Variants in ITPR1 observed in about 807,000 individuals in gnomAD.
ITPR1 encodes inositol 1,4,5-trisphosphate-gated calcium channel ITPR1.
ITPR1 carries 96 observed loss-of-function variants against 318.4 expected under a neutral mutation model. That is an observed-to-expected ratio of 0.30 (90% CI 0.26 to 0.36). ITPR1 has a LOEUF of 0.36. Among genes scored for constraint, ITPR1 ranks in the 10% least tolerant of loss-of-function variants. The pLI, the probability that ITPR1 is intolerant of heterozygous loss-of-function variation, is 1.00. For synonymous variants in ITPR1, 1,312 were observed against 1,289.9 expected, an observed-to-expected ratio of 1.02 and a Z score of -0.37; for missense variants, 2,440 against 3,460.2, an observed-to-expected ratio of 0.71 and a Z score of 7.40.
At chr3:4,572,935 G>A (rs2088185086) in intron 4 of ITPR1, among the ~76,000 whole-genome samples, 1 of 152,144 alleles carries the variant, frequency 6.6e-6, no homozygotes. Flanking sequence ...TCATTTTTAA[G>A]GTGAAATAAT....
At chr3:4,523,323 A>T (rs2082709055) in intron 4 of ITPR1, among the ~76,000 whole-genome samples, 2 of 152,316 alleles carry the variant, frequency 1.3e-5, no homozygotes, top group South Asian at 4.1e-4. Context: ...TTTGTTTTTT[A>T]AATCGACATA....
chr3:4,699,137 C>A (rs2125258979), intron 34 of ITPR1, among the ~76,000 whole-genome samples: 1 of 151,860 alleles, frequency 6.6e-6, no homozygotes, highest in Non-Finnish European at 1.5e-5. Flanking sequence ...TCCATTGAGT[C>A]CAGGAGTTCG....
At chr3:4,614,672 G>A (rs1161366053) in intron 4 of ITPR1, among the ~76,000 whole-genome samples, 1 of 152,210 alleles carries the variant, frequency 6.6e-6, no homozygotes, top group Non-Finnish European at 1.5e-5. Flanking sequence ...CTAGACGCAT[G>A]ACATGCAACT....
rs1028302030 is a variant in ITPR1 at position 4,826,911 on chromosome 3, G to A, written c.8028+8669G>A. On this transcript the variant is annotated intron_variant, in intron 60 of 61. Transcript: ENST00000649015. This position sits in a 1 kb window ranked among gnomAD's most constrained non-coding sequence, Gnocchi z 4.2. ...TGTGTGCTAAGGGAGAGCATGGGGC[G>A]TGAGTCAGGTATACCCAGGAGTCTA... 7.2e-5 allele frequency among the ~76,000 whole-genome samples: 11 copies of A among 152,178 alleles called. No homozygotes were observed. The highest frequency in any genetic ancestry group is 6.2e-4 in the South Asian group (3 of 4,834).
chr3:4,775,200 C>A (rs927830829), intron 46 of ITPR1, 42 bp from the exon 47 acceptor site: 2 of 1,399,128 alleles, frequency 1.4e-6, no homozygotes, highest in African/African-American at 1.4e-5. Context: ...TCCCTCTTCC[C>A]TCTGCCTTTG....
chr3:4,719,334 G>A (rs1365994554), intron 40 of ITPR1, among the ~76,000 whole-genome samples: 1 of 152,240 alleles, frequency 6.6e-6, no homozygotes, highest in African/African-American at 2.4e-5. Context: ...TCAGGCTGGT[G>A]GATCTGGCCC....
At chr3:4,679,015 G>A (rs1225702984) in intron 24 of ITPR1, among the ~76,000 whole-genome samples, 3 of 152,176 alleles carry the variant, frequency 2.0e-5, no homozygotes, top group Non-Finnish European at 4.4e-5. Flanking sequence ...AGGCTGATTT[G>A]GTGAATTTGG....
chr3:4,741,360 T>C (rs180993335), intron 44 of ITPR1, among the ~76,000 whole-genome samples: 3 of 152,276 alleles, frequency 2.0e-5, no homozygotes, highest in African/African-American at 7.2e-5. Flanking sequence ...ATTTCATGTA[T>C]CAAATGGCTG....
At chr3:4,622,193 C>T (rs566790462) in intron 4 of ITPR1, among the ~76,000 whole-genome samples, 2 of 149,456 alleles carry the variant, frequency 1.3e-5, no homozygotes, top group South Asian at 4.2e-4. Context: ...CAGCTCCCTG[C>T]AGCCTCTGCC....
chr3:4,730,414 TG>T (rs1559788639), intron 42 of ITPR1, among the ~76,000 whole-genome samples: 6,968 of 135,670 alleles, frequency 0.051, 335 homozygotes, highest in South Asian at 0.11. Context: ...TGTGTGTGTG[TG>T]TGTGTTTCCC....
At chr3:4,565,941 A>G (rs78380597) in intron 4 of ITPR1, among the ~76,000 whole-genome samples, 2,382 of 152,204 alleles carry the variant, frequency 0.016, 58 homozygotes, top group African/African-American at 0.055. Flanking sequence ...CTTTTCATTT[A>G]TTGCCATTTT....
intron 40 of ITPR1, among the ~76,000 whole-genome samples, chr3:4,719,521 C>A (rs2041998266): frequency 6.6e-6 from 1 of 152,206 alleles, no homozygotes; most frequent in Admixed American, 6.5e-5. Flanking sequence ...GGGATTAAGG[C>A]AGGGCCTCAC....
At chr3:4,527,307 G>C (rs1183857956) in intron 4 of ITPR1, among the ~76,000 whole-genome samples, 1 of 152,184 alleles carries the variant, frequency 6.6e-6, no homozygotes, top group East Asian at 1.9e-4. Context: ...CTCCCGAGTA[G>C]CTGGGACTAC....
At chr3:4,658,335 C>G in intron 13 of ITPR1, 57 bp downstream of exon 13, 1 of 1,437,968 alleles carries the variant, frequency 7.0e-7, no homozygotes, top group South Asian at 1.3e-5. Context: ...GGTGGCCTGA[C>G]CAGGTTTCTT....
At chr3:4,692,918 C>A (rs1409898343) in intron 32 of ITPR1, among the ~76,000 whole-genome samples, 1 of 152,060 alleles carries the variant, frequency 6.6e-6, no homozygotes, top group Admixed American at 6.5e-5. Context: ...GTTGAGAGTT[C>A]GAGACCAGCC....
At chr3:4,811,132 AG>A (rs2048916063) in intron 55 of ITPR1, 132 bp from the exon 56 acceptor site, 2 of 462,248 alleles carry the variant, frequency 4.3e-6, no homozygotes, top group African/African-American at 4.0e-5. Context: ...GAAGATGTTC[AG>A]TGTTAAGATC....
intron 52 of ITPR1, among the ~76,000 whole-genome samples, chr3:4,788,358 A>C (rs1388754733): frequency 6.6e-6 from 1 of 152,190 alleles, no homozygotes; most frequent in East Asian, 1.9e-4. Flanking sequence ...CCTTCATCAG[A>C]ATTTGACTTG....
chr3:4,837,011 G>A (rs1037368260), intron 61 of ITPR1, 76 bp downstream of exon 61: 1 of 1,300,948 alleles, frequency 7.7e-7, no homozygotes, highest in Non-Finnish European at 1.0e-6. Flanking sequence ...CACCAAATCT[G>A]ATGAGGAAAA....
chr3:4,557,876 C>T (rs182827618), intron 4 of ITPR1, among the ~76,000 whole-genome samples: 135 of 152,214 alleles, frequency 8.9e-4, no homozygotes, highest in Non-Finnish European at 1.5e-3. Flanking sequence ...GTTATTTTAG[C>T]GCTCACTATA....
Sources: allele counts gnomAD v4.1 joint callset (sites outside exome capture counted in the v4.1 genomes callset), GRCh38; gene constraint gnomAD v4.1.1; non-coding constraint Gnocchi (gnomAD v3.1); transcripts MANE v1.5; gene names NCBI Gene and HGNC (gene_info 2026-07-23, HGNC 2026-07-21).